Variants in ADGRL3 observed in about 807,000 individuals in gnomAD.
The protein encoded by ADGRL3 is calcium-independent alpha-latrotoxin receptor 3.
Under a neutral mutation model 153.5 loss-of-function variants are expected in ADGRL3, and 62 were observed. The observed-to-expected ratio is 0.40, with a 90% CI of 0.33 to 0.50. The LOEUF is 0.50. Among genes scored for constraint, ADGRL3 ranks in the 20% least tolerant of loss-of-function variants. The pLI is 0.47. For missense variants in ADGRL3, 1,641 were observed against 1,859.4 expected (o/e 0.88, Z 2.16); for synonymous variants, 710 against 672.5 (o/e 1.06, Z -0.86).
intron 5 of ADGRL3, among the ~76,000 whole-genome samples, chr4:61,627,726 G>A (rs966296238): frequency 6.6e-6 from 1 of 152,060 alleles, no homozygotes; most frequent in Non-Finnish European, 1.5e-5. Flanking sequence ...TAGAATAAAT[G>A]GTAGGGTTTG....
At chr4:61,664,073 T>A (rs1302363797) in intron 5 of ADGRL3, among the ~76,000 whole-genome samples, 1 of 152,174 alleles carries the variant, frequency 6.6e-6, no homozygotes, top group Non-Finnish European at 1.5e-5. Context: ...TAGATTCCCC[T>A]CATGCCAGAC....
At chr4:61,835,237 G>A (rs1321988572) in intron 9 of ADGRL3, among the ~76,000 whole-genome samples, 4 of 149,160 alleles carry the variant, frequency 2.7e-5, no homozygotes, top group South Asian at 2.1e-4. Flanking sequence ...TCCAAAACGA[G>A]TTCTGCGGCT....
intron 9 of ADGRL3, among the ~76,000 whole-genome samples, chr4:61,827,297 A>T (rs543088296): frequency 6.6e-6 from 1 of 152,282 alleles, no homozygotes; most frequent in South Asian, 2.1e-4. Context: ...TAGACTTTTG[A>T]CTGGTGATTG....
chr4:61,685,406 TA>T (rs923589445), intron 6 of ADGRL3, among the ~76,000 whole-genome samples: 2 of 151,360 alleles, frequency 1.3e-5, no homozygotes, highest in African/African-American at 4.8e-5. Flanking sequence ...AAGTTAATGT[TA>T]AAAAAAAATC....
At chr4:61,505,071 G>C (rs1239965544) in intron 3 of ADGRL3, among the ~76,000 whole-genome samples, 1 of 151,850 alleles carries the variant, frequency 6.6e-6, no homozygotes, top group Non-Finnish European at 1.5e-5. Context: ...TATTCCCACC[G>C]ACAGACAAAG....
At chr4:61,871,813 T>C (rs2098447209) in intron 9 of ADGRL3, among the ~76,000 whole-genome samples, 1 of 152,180 alleles carries the variant, frequency 6.6e-6, no homozygotes, top group African/African-American at 2.4e-5. Flanking sequence ...GAAAAAAAGA[T>C]GCAGAGAGGC....
At chr4:61,637,875 C>G (rs1014691798) in intron 5 of ADGRL3, among the ~76,000 whole-genome samples, 1 of 152,124 alleles carries the variant, frequency 6.6e-6, no homozygotes, top group Admixed American at 6.5e-5. Context: ...TACAGATTGT[C>G]TGAGATGAAT....
rs577275629 is a variant in ADGRL3, at chr4:61,550,914, G to GT, written c.259+33397dup. On this transcript the variant is annotated intron_variant, in intron 4 of 26. Coordinates refer to ENST00000683033, the MANE Select transcript of ADGRL3 (RefSeq NM_001387552.1). Reference sequence around the variant, plus strand: ...TTTAATAATGGCTCTACAAATCCAGGTAATTCCTACATATCTCACTACTTA... The same window carrying GT: ...TTTAATAATGGCTCTACAAATCCAGGTTAATTCCTACATATCTCACTACTTA... Among the ~76,000 whole-genome samples, 422 of 152,186 alleles carry GT rather than the reference G, an allele frequency of 2.8e-3. 3 individuals carry two copies. Among genetic ancestry groups the GT allele is most frequent in the Middle Eastern group, 0.014 (4 of 294 alleles).
intron 1 of ADGRL3, among the ~76,000 whole-genome samples, chr4:61,339,675 A>C (rs2095762736): frequency 6.6e-6 from 1 of 152,202 alleles, no homozygotes; most frequent in African/African-American, 2.4e-5. Flanking sequence ...TTTTAAAAAA[A>C]TTCTTTTGAA....
Position 61,344,469 on chromosome 4 carries a change from G to T in ADGRL3, c.-239-38655G>T, listed in dbSNP as rs556843318. Among the ~76,000 whole-genome samples, 3 of 152,088 alleles carry T rather than the reference G, an allele frequency of 2.0e-5. No individual in the cohort carries two copies. The South Asian group carries it at 6.2e-4, about 31-fold the overall frequency. The stretch of plus-strand genomic sequence containing the variant: ...TGCAGCATATGAATCCTTGAATAAC[G>T]TCCCCTAAAAGGTCAGCCAAAGTCC... On this transcript the variant is annotated intron_variant, in intron 1 of 26. Coordinates refer to ENST00000683033, the MANE Select transcript of ADGRL3 (RefSeq NM_001387552.1).
intron 1 of ADGRL3, among the ~76,000 whole-genome samples, chr4:61,230,162 T>C (rs1298796798): frequency 1.3e-5 from 2 of 152,134 alleles, no homozygotes; most frequent in Non-Finnish European, 2.9e-5. Context: ...AATGAAGGTT[T>C]TCTTGCTTAG....
intron 1 of ADGRL3, among the ~76,000 whole-genome samples, chr4:61,259,926 C>T (rs1357819395): frequency 6.6e-6 from 1 of 152,144 alleles, no homozygotes; most frequent in African/African-American, 2.4e-5. Context: ...ATTTAGGAAG[C>T]ATTTGAATAA....
At chr4:61,304,330 C>G (rs2094692766) in intron 1 of ADGRL3, among the ~76,000 whole-genome samples, 1 of 152,176 alleles carries the variant, frequency 6.6e-6, no homozygotes, top group Non-Finnish European at 1.5e-5. Context: ...GAAATTCTCT[C>G]TATGTGTTTA....
intron 4 of ADGRL3, among the ~76,000 whole-genome samples, chr4:61,518,821 T>C (rs1441069826): frequency 6.6e-6 from 1 of 152,200 alleles, no homozygotes; most frequent in African/African-American, 2.4e-5. Context: ...GGGCAATGGA[T>C]AGTAAACATT....
intron 5 of ADGRL3, among the ~76,000 whole-genome samples, chr4:61,645,340 G>C (rs1285119180): frequency 1.3e-5 from 2 of 151,142 alleles, no homozygotes; most frequent in African/African-American, 4.9e-5. Context: ...GATGTTAGCT[G>C]GTGATTTTGC....
Position 61,791,405 on chromosome 4 carries a change from C to T in ADGRL3, c.1400-22404C>T, listed in dbSNP as rs142947957. ...AATGATCTCCTTTGACTCCATGTCTCACATCCAGGTCACAATGATGCAAGA... is the reference window on the plus strand; with the variant it reads ...AATGATCTCCTTTGACTCCATGTCTTACATCCAGGTCACAATGATGCAAGA... On this transcript the variant is annotated intron_variant, in intron 8 of 26. Transcript: ENST00000683033. Among the ~76,000 whole-genome samples the T allele has an allele frequency of 5.3e-4, 81 of 152,324 alleles. 1 individual carries two copies. The highest frequency in any genetic ancestry group is 1.9e-3 in the African/African-American group (79 of 41,580).
chr4:61,585,482 TTC>T, intron 4 of ADGRL3, among the ~76,000 whole-genome samples: 1 of 152,032 alleles, frequency 6.6e-6, no homozygotes, highest in South Asian at 2.1e-4. Context: ...CTCCCTTCTT[TTC>T]ACATTTCATG....
intron 1 of ADGRL3, among the ~76,000 whole-genome samples, chr4:61,347,477 A>C (rs1255775766): frequency 3.3e-5 from 5 of 152,254 alleles, no homozygotes; most frequent in Admixed American, 6.5e-5. Flanking sequence ...GGTGTTTTGA[A>C]CTATAGTCCT....
chr4:61,551,579 G>T (rs1014368703), intron 4 of ADGRL3, among the ~76,000 whole-genome samples: 6 of 152,148 alleles, frequency 3.9e-5, no homozygotes, highest in African/African-American at 1.4e-4. Flanking sequence ...ACTCATGAGA[G>T]TTGGATGTGA....
Sources: allele counts gnomAD v4.1 joint callset (sites outside exome capture counted in the v4.1 genomes callset), GRCh38; gene constraint gnomAD v4.1.1; transcripts MANE v1.5; gene names NCBI Gene and HGNC (gene_info 2026-07-23, HGNC 2026-07-21).